DENND1B: variants seen among roughly 807,000 people sequenced by gnomAD.
DENND1B encodes the protein DENN domain-containing protein 1B.
DENND1B carries 59 observed loss-of-function variants against 90.1 expected under a neutral mutation model. The ratio of observed to expected loss-of-function variants is 0.65; its 90% CI spans 0.53 to 0.81. The LOEUF (loss-of-function observed/expected upper bound fraction) is 0.81. Ranked by LOEUF, DENND1B falls within the 40% of genes least tolerant of loss-of-function variation. The pLI, the probability that DENND1B is intolerant of heterozygous loss-of-function variation, is 0.00. For synonymous variants in DENND1B, 337 were observed against 324.6 expected (o/e 1.04, Z -0.41); for missense variants, 862 against 912.6 (o/e 0.94, Z 0.71).
intron 3 of DENND1B, among the ~76,000 whole-genome samples, chr1:197,698,480 G>C (rs1003333382): frequency 6.6e-6 from 1 of 151,586 alleles, no homozygotes; most frequent in South Asian, 2.1e-4. Context: ...TCAAATTGAT[G>C]CCCTAACATC....
At chr1:197,775,065 G>C (rs896703216) in intron 1 of DENND1B, 74 bp downstream of exon 1, 3 of 1,054,552 alleles carry the variant, frequency 2.8e-6, no homozygotes, top group East Asian at 3.7e-5. Context: ...GCGGAGGCGC[G>C]GAGGAGCCGA....
chr1:197,724,891 G>A (rs1172676531), intron 2 of DENND1B, among the ~76,000 whole-genome samples: 1 of 151,912 alleles, frequency 6.6e-6, no homozygotes, highest in Non-Finnish European at 1.5e-5. Flanking sequence ...AACTAAGTCA[G>A]ACACAAATGA....
In DENND1B at chr1:197,607,149, T is replaced by A. The variant is rs773340401; in HGVS notation, c.845A>T (p.Asp282Val). The change falls in exon 13 of 23, where the codon GAT becomes GTT. Residue 282 changes from aspartate (D) to valine (V), a missense_variant. Asp to Val is a radical substitution (Grantham distance 152). Coordinates refer to ENST00000620048, the MANE Select transcript of DENND1B (RefSeq NM_001195215.2). ...TGTATCAACATTTAACATAACAACATCTTCCAATGATTTGTTTTTCACTCT... is the reference window on the plus strand; with the variant it reads ...TGTATCAACATTTAACATAACAACAACTTCCAATGATTTGTTTTTCACTCT... ...IERVKNKSLE[D>V]VVMLNVDTNT... 6.3e-7 allele frequency: 1 copy of A among 1,587,524 alleles called. No homozygotes were observed. The highest frequency in any genetic ancestry group is 8.6e-7 in the Non-Finnish European group (1 of 1,168,362).
intron 14 of DENND1B, among the ~76,000 whole-genome samples, chr1:197,588,303 GTGTT>G (rs972923551): frequency 6.6e-6 from 1 of 152,146 alleles, no homozygotes; most frequent in African/African-American, 2.4e-5. Flanking sequence ...CATAATGTTT[GTGTT>G]TGTTTGTTTT....
chr1:197,507,834 C>T lies in DENND1B; in HGVS notation c.*2626G>A, dbSNP rs1667798443. 1 of 151,464 alleles carries T rather than the reference C, an allele frequency of 6.6e-6. No individual in the cohort carries two copies. The highest frequency in any genetic ancestry group is 1.5e-5 in the Non-Finnish European group (1 of 67,692). The allele number at this position is 151,464 out of a possible 1,614,324, so 9.4% of individuals were successfully genotyped here. On this transcript the variant is annotated 3_prime_UTR_variant, in exon 23 of 23. Transcript: ENST00000620048. The stretch of plus-strand genomic sequence containing the variant: ...AGTTTAAGAGCAGACTTTGAATATT[C>T]AAAATTTTACTGGTTTGAAATACAA...
intron 20 of DENND1B, among the ~76,000 whole-genome samples, chr1:197,524,354 A>G (rs962006509): frequency 3.3e-5 from 5 of 152,262 alleles, no homozygotes; most frequent in Middle Eastern, 3.4e-3. Context: ...TCTTCACAAT[A>G]ACTCTATGGA....
At chr1:197,753,670 A>G (rs994739228) in intron 2 of DENND1B, among the ~76,000 whole-genome samples, 2 of 152,114 alleles carry the variant, frequency 1.3e-5, no homozygotes, top group Admixed American at 6.5e-5. Context: ...AAAACTCTTT[A>G]CATGCAATTT....
chr1:197,721,813 C>T (rs1571499494), intron 2 of DENND1B, among the ~76,000 whole-genome samples: 2 of 152,050 alleles, frequency 1.3e-5, no homozygotes, highest in Admixed American at 6.5e-5. Context: ...GTTTTTAAAA[C>T]CCAAATACTA....
intron 20 of DENND1B, among the ~76,000 whole-genome samples, chr1:197,518,585 C>T (rs912845855): frequency 9.2e-5 from 14 of 151,870 alleles, no homozygotes; most frequent in African/African-American, 3.4e-4. Context: ...AGTTGCTTAG[C>T]TTCAAGATAG....
intron 2 of DENND1B, among the ~76,000 whole-genome samples, chr1:197,767,907 T>C (rs762696612): frequency 6.6e-6 from 1 of 152,170 alleles, no homozygotes; most frequent in Non-Finnish European, 1.5e-5. Flanking sequence ...GTGAAGTCAC[T>C]ATGCAATGGG....
At chr1:197,718,265 T>A (rs887575101) in intron 2 of DENND1B, among the ~76,000 whole-genome samples, 4 of 151,954 alleles carry the variant, frequency 2.6e-5, no homozygotes, top group African/African-American at 9.7e-5. Context: ...TGCGTTACAA[T>A]GCCCTACAAC....
intron 10 of DENND1B, among the ~76,000 whole-genome samples, chr1:197,624,966 AAAAAAGAAT>A (rs1678529287): frequency 6.6e-6 from 1 of 152,016 alleles, no homozygotes; most frequent in Non-Finnish European, 1.5e-5. Flanking sequence ...AAATTTAGAG[AAAAAAGAAT>A]AAAAAGAAAC....
At chr1:197,526,235 G>T (rs1178112440) in intron 20 of DENND1B, among the ~76,000 whole-genome samples, 2 of 151,970 alleles carry the variant, frequency 1.3e-5, no homozygotes, top group Non-Finnish European at 2.9e-5. Context: ...GAAAAGACTG[G>T]TTTTTCCTTT....
intron 10 of DENND1B, among the ~76,000 whole-genome samples, chr1:197,638,796 G>A (rs984215282): frequency 2.0e-5 from 3 of 151,960 alleles, no homozygotes; most frequent in African/African-American, 7.3e-5. Context: ...CAATGTTCTT[G>A]TTCAGGATTA....
At chr1:197,766,786 T>C (rs1443855876) in intron 2 of DENND1B, among the ~76,000 whole-genome samples, 1 of 152,114 alleles carries the variant, frequency 6.6e-6, no homozygotes. Context: ...AGATCCAATT[T>C]ATTTTTATTT....
intron 5 of DENND1B, among the ~76,000 whole-genome samples, chr1:197,666,220 G>C (rs1654925282): frequency 6.6e-6 from 1 of 152,114 alleles, no homozygotes. Flanking sequence ...AACATTCTAG[G>C]CACTTATGGA....
chr1:197,589,973 G>A (rs1372075819), intron 14 of DENND1B, among the ~76,000 whole-genome samples: 1 of 152,106 alleles, frequency 6.6e-6, no homozygotes, highest in Non-Finnish European at 1.5e-5. Context: ...AGCATTAGCT[G>A]TTATTTAAAA....
intron 3 of DENND1B, among the ~76,000 whole-genome samples, chr1:197,704,404 C>T (rs1040964852): frequency 3.3e-5 from 5 of 152,242 alleles, no homozygotes; most frequent in South Asian, 2.1e-4. Flanking sequence ...CTAATTTCCT[C>T]GCCTCTAGTT....
At chr1:197,771,386 G>A (rs1464908379) in intron 2 of DENND1B, among the ~76,000 whole-genome samples, 1 of 152,114 alleles carries the variant, frequency 6.6e-6, no homozygotes, top group Non-Finnish European at 1.5e-5. Context: ...TCTTCAAAGA[G>A]GACCCGGTTG....
Sources: allele counts gnomAD v4.1 joint callset (sites outside exome capture counted in the v4.1 genomes callset), GRCh38; gene constraint gnomAD v4.1.1; transcripts MANE v1.5; gene names NCBI Gene and HGNC (gene_info 2026-07-23, HGNC 2026-07-21).